TMED3: variants seen among roughly 807,000 people sequenced by gnomAD.
TMED3 encodes the protein transmembrane emp24 domain-containing protein 3.
In TMED3, 9 loss-of-function variants were observed where a neutral mutation model predicts 15.0. The observed-to-expected ratio is 0.60, with a 90% CI of 0.36 to 1.04. The LOEUF (loss-of-function observed/expected upper bound fraction) is 1.04, where lower values mean the gene tolerates loss of function less well. Among genes scored for constraint, TMED3 ranks in the 50% least tolerant of loss-of-function variants. TMED3 has a pLI of 0.01. For missense variants in TMED3, 267 were observed against 278.9 expected, an observed-to-expected ratio of 0.96 and a Z score of 0.30; for synonymous variants, 117 against 121.4, an observed-to-expected ratio of 0.96 and a Z score of 0.24.
At chr15:79,410,467 G>A (rs1406419029) in intron 2 of TMED3, among the ~76,000 whole-genome samples, 1 of 152,086 alleles carries the variant, frequency 6.6e-6, no homozygotes, top group Non-Finnish European at 1.5e-5. Flanking sequence ...CAGCAAAAGA[G>A]CACAACTATC....
intron 2 of TMED3, among the ~76,000 whole-genome samples, chr15:79,353,293 GTATATTATATATATTATATA>G (rs1567030581): frequency 1.4e-4 from 3 of 20,882 alleles, no homozygotes; most frequent in African/African-American, 6.8e-4. Flanking sequence ...TATATTATAT[GTATATTATATATATTATATA>G]TATAATATAT....
At chr15:79,330,705 A>G (rs1304351139) in intron 2 of TMED3, among the ~76,000 whole-genome samples, 1 of 152,174 alleles carries the variant, frequency 6.6e-6, no homozygotes, top group Non-Finnish European at 1.5e-5. Context: ...TGGAACCATA[A>G]AAGACCCCAA....
At chr15:79,383,090 TG>T in intron 2 of TMED3, 1 of 1,475,718 alleles carries the variant, frequency 6.8e-7, no homozygotes, top group Non-Finnish European at 9.2e-7. Context: ...CATGGCTCTT[TG>T]CCTGTAGATC....
At chr15:79,360,201 C>G (rs1292274382) in intron 2 of TMED3, among the ~76,000 whole-genome samples, 1 of 152,100 alleles carries the variant, frequency 6.6e-6, no homozygotes, top group Admixed American at 6.5e-5. Context: ...GGAGGACCCC[C>G]AAGATGTTGA....
chr15:79,329,360 A>G (rs889619116), intron 2 of TMED3, among the ~76,000 whole-genome samples: 1 of 152,250 alleles, frequency 6.6e-6, no homozygotes, highest in African/African-American at 2.4e-5. Context: ...ACATGTTGTA[A>G]GGTAAATGGA....
chr15:79,402,167 A>G (rs1285057438), intron 2 of TMED3, among the ~76,000 whole-genome samples: 1 of 152,174 alleles, frequency 6.6e-6, no homozygotes, highest in Admixed American at 6.5e-5. Flanking sequence ...GAGGATGGCT[A>G]AGGCTCAATT....
intron 2 of TMED3, among the ~76,000 whole-genome samples, chr15:79,343,005 G>A (rs188649900): frequency 8.5e-5 from 13 of 152,300 alleles, no homozygotes; most frequent in Admixed American, 7.8e-4. Flanking sequence ...TCATCGATGA[G>A]ATTTTGTTTG....
intron 2 of TMED3, among the ~76,000 whole-genome samples, chr15:79,316,361 G>A (rs2058740568): frequency 6.6e-6 from 1 of 152,150 alleles, no homozygotes; most frequent in East Asian, 1.9e-4. Flanking sequence ...TGAGAATCTG[G>A]GAAGATCCTG....
intron 2 of TMED3, among the ~76,000 whole-genome samples, chr15:79,398,309 A>G (rs1893788552): frequency 6.6e-6 from 1 of 151,840 alleles, no homozygotes; most frequent in African/African-American, 2.4e-5. Context: ...CATTTATTTT[A>G]TTGTATTTAT....
At chr15:79,408,232 T>C (rs1489694856) in intron 2 of TMED3, among the ~76,000 whole-genome samples, 1 of 152,254 alleles carries the variant, frequency 6.6e-6, no homozygotes. Flanking sequence ...ATCTTCCTTA[T>C]GCAGGTTTGG....
chr15:79,337,110 A>C (rs2058830089), intron 2 of TMED3, among the ~76,000 whole-genome samples: 1 of 152,234 alleles, frequency 6.6e-6, no homozygotes, highest in African/African-American at 2.4e-5. Context: ...TGGGGCTGCC[A>C]TAACAAAGTG....
At chr15:79,357,874 T>G (rs1198154957) in intron 2 of TMED3, among the ~76,000 whole-genome samples, 1 of 152,208 alleles carries the variant, frequency 6.6e-6, no homozygotes, top group African/African-American at 2.4e-5. Flanking sequence ...TACCATTGTT[T>G]AAGTCCCTGC....
intron 2 of TMED3, chr15:79,384,410 C>A (rs1262365652): frequency 6.7e-6 from 1 of 150,236 alleles, no homozygotes; most frequent in Non-Finnish European, 1.5e-5. Context: ...AAGAGTGTGG[C>A]ACATCTGGGA....
intron 2 of TMED3, among the ~76,000 whole-genome samples, chr15:79,353,028 ATT>A (rs1192501318): frequency 3.8e-5 from 4 of 104,406 alleles, no homozygotes; most frequent in African/African-American, 8.2e-5. Flanking sequence ...AAATATATAT[ATT>A]TTATATATAT....
Position 79,314,070 on chromosome 15 carries a change from G to C in TMED3, c.417+65G>C, listed in dbSNP as rs747216507. The C allele has an allele frequency of 2.5e-6, 4 of 1,576,740 alleles. No homozygotes were observed. In the African/African-American group the frequency reaches 5.4e-5, roughly 21 times the overall value. On this transcript the variant is annotated intron_variant, in intron 2 of 2. Coordinates refer to ENST00000299705, the MANE Select transcript of TMED3 (RefSeq NM_007364.4). ...AGCGTGTTCCTCTTCATTGGCCTCT[G>C]TCTAGGCTGGTGGTGGGAGTCATCA...
chr15:79,328,514 C>G, intron 2 of TMED3, among the ~76,000 whole-genome samples: 1 of 152,212 alleles, frequency 6.6e-6, no homozygotes, highest in East Asian at 1.9e-4. Flanking sequence ...TAGCCATGCT[C>G]ACAGCCAGCC....
At chr15:79,355,398 G>C (rs986961937) in intron 2 of TMED3, among the ~76,000 whole-genome samples, 6 of 152,126 alleles carry the variant, frequency 3.9e-5, no homozygotes, top group Admixed American at 6.6e-5. Flanking sequence ...TTAGGTGGCT[G>C]GGCTGATTGG....
At position 79,322,098 on chromosome 15, in the gene TMED3, T is replaced by A; in HGVS notation, c.538T>A (p.Ser180Thr). The A allele has an allele frequency of 6.2e-7, 1 of 1,614,246 alleles. No homozygotes were observed. Among genetic ancestry groups the A allele is most frequent in the Non-Finnish European group, 8.5e-7 (1 of 1,180,042 alleles). The stretch of plus-strand genomic sequence containing the variant: ...AGCAGAAGACCTTAATAGCCGAGTC[T>A]CTTACTGGTCTGTTGGCGAGACGAT... ...ARAEDLNSRV[S>T]YWSVGETIAL... The change falls in exon 3 of 3, where the codon TCT (serine) becomes ACT (threonine). Residue 180 changes from serine to threonine, a missense_variant. Ser to Thr is a moderately conservative substitution (Grantham distance 58). This residue lies in a region of TMED3 where 139 missense variants were observed against 125.0 expected (regional missense o/e 1.11). Coordinates refer to ENST00000299705, the MANE Select transcript of TMED3 (RefSeq NM_007364.4).
At chr15:79,350,050 G>C (rs766025279) in intron 2 of TMED3, among the ~76,000 whole-genome samples, 38 of 152,104 alleles carry the variant, frequency 2.5e-4, no homozygotes, top group South Asian at 1.0e-3. Context: ...AAGTAGCTTG[G>C]CTATTGTGTT....
Sources: allele counts gnomAD v4.1 joint callset (sites outside exome capture counted in the v4.1 genomes callset), GRCh38; gene constraint gnomAD v4.1.1; regional missense constraint gnomAD v4.1.1; transcripts MANE v1.5; gene names NCBI Gene and HGNC (gene_info 2026-07-23, HGNC 2026-07-21).